The following BAZ1A variants were observed in gnomAD, a reference collection of about 807,000 sequenced individuals.
The protein encoded by BAZ1A is bromodomain adjacent to zinc finger domain protein 1A.
A neutral mutation model predicts 185.2 loss-of-function variants in BAZ1A; 50 were observed. The ratio of observed to expected loss-of-function variants is 0.27; its 90% CI spans 0.22 to 0.34. The LOEUF is 0.34. Ranked by LOEUF, BAZ1A falls within the 10% of genes least tolerant of loss-of-function variation. The pLI, the probability that BAZ1A is intolerant of heterozygous loss-of-function variation, is 1.00. For missense variants in BAZ1A, 1,356 were observed against 1,839.9 expected, an observed-to-expected ratio of 0.74 and a Z score of 4.81; for synonymous variants, 571 against 615.6, an observed-to-expected ratio of 0.93 and a Z score of 1.07.
chr14:34,781,592 T>C (rs1880046260), intron 16 of BAZ1A, among the ~76,000 whole-genome samples: 1 of 152,040 alleles, frequency 6.6e-6, no homozygotes, highest in Non-Finnish European at 1.5e-5. Flanking sequence ...TTTCGGCTCA[T>C]TGCAACCTCC....
intron 21 of BAZ1A, among the ~76,000 whole-genome samples, chr14:34,770,463 T>C (rs1338584842): frequency 1.3e-5 from 2 of 152,218 alleles, no homozygotes; most frequent in African/African-American, 4.8e-5. Flanking sequence ...AAAACAATTA[T>C]TTAAGGATTT....
At chr14:34,860,278 C>A (rs1203746640) in intron 3 of BAZ1A, among the ~76,000 whole-genome samples, 3 of 151,138 alleles carry the variant, frequency 2.0e-5, no homozygotes, top group Non-Finnish European at 4.4e-5. Flanking sequence ...GAGGCCAAGG[C>A]AGGTGGATTA....
Position 34,774,385 on chromosome 14 carries a change from C to T in BAZ1A, c.2939G>A (p.Arg980Lys). Residue 980 changes from arginine to lysine, a missense_variant, in exon 19 of 27, where the codon AGA (arginine) becomes AAA (lysine). This residue lies in a region of BAZ1A where 434 missense variants were observed against 561.7 expected (regional missense o/e 0.77). Transcript: ENST00000360310. ...CAEKQLELRL[R>K]DFLLDIEDRI... ...ATCTTCAATATCTAAAAGAAAATCTCTCAGCCTTAGTTCAAGTTGCTTTTC... is the reference window on the plus strand; with the variant it reads ...ATCTTCAATATCTAAAAGAAAATCTTTCAGCCTTAGTTCAAGTTGCTTTTC... 1 of 1,613,638 alleles carries T rather than the reference C, an allele frequency of 6.2e-7. No homozygotes were observed. The highest frequency in any genetic ancestry group is 8.5e-7 in the Non-Finnish European group (1 of 1,179,816).
intron 2 of BAZ1A, among the ~76,000 whole-genome samples, chr14:34,870,628 T>G (rs1042583322): frequency 3.3e-5 from 5 of 152,230 alleles, no homozygotes; most frequent in Admixed American, 3.3e-4. Context: ...GCAGCCAGTT[T>G]AAATTCCAGG....
chr14:34,774,534 A>T, intron 18 of BAZ1A, 44 bp from the exon 19 acceptor site: 1 of 1,485,020 alleles, frequency 6.7e-7, no homozygotes, highest in Non-Finnish European at 9.1e-7. Context: ...TTCTTATTAA[A>T]AACTACAATT....
At chr14:34,773,070 A>G (rs547869236) in intron 20 of BAZ1A, among the ~76,000 whole-genome samples, 1 of 152,090 alleles carries the variant, frequency 6.6e-6, no homozygotes, top group East Asian at 1.9e-4. Context: ...GCATGCCACC[A>G]TGCCCAGATA....
chr14:34,831,887 A>G (rs4982221), intron 3 of BAZ1A, among the ~76,000 whole-genome samples: 91,532 of 151,800 alleles, frequency 0.6, 27,727 homozygotes, highest in South Asian at 0.68. Context: ...TGATTTTACA[A>G]AAATAAAAAA....
intron 6 of BAZ1A, among the ~76,000 whole-genome samples, chr14:34,804,949 T>C (rs1881775236): frequency 6.6e-6 from 1 of 152,208 alleles, no homozygotes; most frequent in Admixed American, 6.5e-5. Context: ...CTCTGTGTCC[T>C]CATCCAGATC....
chr14:34,812,835 G>C (rs903812604), intron 4 of BAZ1A, among the ~76,000 whole-genome samples: 5 of 152,120 alleles, frequency 3.3e-5, no homozygotes, highest in Admixed American at 2.6e-4. Context: ...AGTAAAACTA[G>C]AGTATTTACC....
chr14:34,755,457 A>C (rs138953192), intron 25 of BAZ1A, among the ~76,000 whole-genome samples: 12 of 152,040 alleles, frequency 7.9e-5, no homozygotes, highest in African/African-American at 2.9e-4. Context: ...CAAACCATCC[A>C]CCATTCACCA....
intron 15 of BAZ1A, 95 bp downstream of exon 15, chr14:34,783,667 A>C: frequency 6.8e-7 from 1 of 1,476,470 alleles, no homozygotes; most frequent in South Asian, 1.4e-5. Flanking sequence ...ACATCAGTAT[A>C]ATGAATGCCA....
rs1367779336 is a variant in BAZ1A at position 34,798,437 on chromosome 14, AC to A, written c.1128+1786del. Among the ~76,000 whole-genome samples the A allele has an allele frequency of 3.9e-5, 6 of 152,204 alleles. No homozygotes were observed. The East Asian group carries it at 1.2e-3, about 29-fold the overall frequency. On this transcript the variant is annotated intron_variant, in intron 9 of 26. Coordinates refer to ENST00000360310, the MANE Select transcript of BAZ1A (RefSeq NM_013448.3). ...CACCTCCCAGTAGGGGCCAACTGAC[AC>A]ATCATATGGGTAGGTGCCCCTCTGG...
At position 34,776,280 on chromosome 14, in the gene BAZ1A, A is replaced by G. The variant is rs764359721; in HGVS notation, c.2472T>C (p.Phe824=). 20 of 1,613,570 alleles carry G rather than the reference A, an allele frequency of 1.2e-5. No homozygotes were observed. The African/African-American group carries it at 2.5e-4, about 20-fold the overall frequency. Residue 824 remains phenylalanine (F), a synonymous_variant, in exon 18 of 27, where the codon TTT becomes TTC. Transcript: ENST00000360310. ...YWIFPSIPGL[F]IEEDYSGLTE... ...TAAGACCAGAATAATCCTCTTCAAT[A>G]AAGAGTCCAGGAATAGAAGGGAAAA...
rs1208055064 is a variant in BAZ1A at position 34,862,235 on chromosome 14, T to C, written c.201A>G (p.Ala67=). Residue 67 remains alanine, a synonymous_variant, in exon 3 of 27, where the codon GCA becomes GCG. Transcript: ENST00000360310. ...TGRPGLTYQE[A]LESEKKARQN... The stretch of plus-strand genomic sequence containing the variant: ...GTCTTGCTTTTTTTTCTGACTCAAG[T>C]GCTTCCTGATACGTCAGTCCAGGTC... 2.5e-6 allele frequency: 4 copies of C among 1,614,124 alleles called. No homozygotes were observed. The highest frequency in any genetic ancestry group is 3.4e-6 in the Non-Finnish European group (4 of 1,180,028).
At chr14:34,767,956 T>C (rs1188513259) in intron 21 of BAZ1A, among the ~76,000 whole-genome samples, 1 of 152,172 alleles carries the variant, frequency 6.6e-6, no homozygotes, top group Non-Finnish European at 1.5e-5. Flanking sequence ...CAAGGCCCAA[T>C]TCTTATTCTA....
At chr14:34,792,301 C>T (rs1318643471) in intron 12 of BAZ1A, among the ~76,000 whole-genome samples, 1 of 151,976 alleles carries the variant, frequency 6.6e-6, no homozygotes, top group Non-Finnish European at 1.5e-5. Context: ...AGGAGAATTG[C>T]TCGAACCTGG....
At chr14:34,826,280 A>C in intron 3 of BAZ1A, 124 bp from the exon 4 acceptor site, 1 of 887,636 alleles carries the variant, frequency 1.1e-6, no homozygotes, top group Non-Finnish European at 1.6e-6. Flanking sequence ...TGATTGATTT[A>C]AACAATTTAA....
At chr14:34,840,950 C>T (rs1240365367) in intron 3 of BAZ1A, among the ~76,000 whole-genome samples, 1 of 99,874 alleles carries the variant, frequency 1.0e-5, no homozygotes, top group African/African-American at 3.3e-5. Flanking sequence ...ACAACAAAAT[C>T]AATATTTTTT....
chr14:34,852,064 T>C (rs568779212), intron 3 of BAZ1A, among the ~76,000 whole-genome samples: 9 of 151,920 alleles, frequency 5.9e-5, no homozygotes, highest in Non-Finnish European at 1.0e-4. Flanking sequence ...GAGATGGAGC[T>C]TGCAGTGAGC....
Sources: allele counts gnomAD v4.1 joint callset (sites outside exome capture counted in the v4.1 genomes callset), GRCh38; gene constraint gnomAD v4.1.1; regional missense constraint gnomAD v4.1.1; transcripts MANE v1.5; gene names NCBI Gene and HGNC (gene_info 2026-07-23, HGNC 2026-07-21).